CCDC171: variants seen among roughly 807,000 people sequenced by gnomAD.
CCDC171 encodes the protein coiled-coil domain containing 171.
A neutral mutation model predicts 168.2 loss-of-function variants in CCDC171; 177 were observed. The ratio of observed to expected loss-of-function variants is 1.05; its 90% CI spans 0.93 to 1.19. The LOEUF (loss-of-function observed/expected upper bound fraction) is 1.19, where lower values mean the gene tolerates loss of function less well. CCDC171 is among the 50% of genes most tolerant of loss of function. The pLI is 0.00. For synonymous variants in CCDC171, 687 were observed against 540.8 expected (o/e 1.27, Z -3.75); for missense variants, 1,991 against 1,539.0 (o/e 1.29, Z -4.91).
At position 15,970,045 on chromosome 9, in the gene CCDC171, C is replaced by G. The variant is rs74973863; in HGVS notation, c.3754-1564C>G. ...AACCTTATCCTTCATAGAGCTATTT[C>G]AAGTGACCATTTTAGGTGTTTTCTA... is the stretch of plus-strand genomic sequence containing the variant. On this transcript the variant is annotated intron_variant, in intron 25 of 25. Coordinates refer to ENST00000380701, the MANE Select transcript of CCDC171 (RefSeq NM_173550.4). Among the ~76,000 whole-genome samples, 256 of 152,282 alleles carry G rather than the reference C, an allele frequency of 1.7e-3. 2 individuals are homozygous for G. Among genetic ancestry groups the G allele is most frequent in the African/African-American group, 5.7e-3 (238 of 41,556 alleles).
At chr9:15,975,874 T>A (rs1373016513), downstream of CCDC171, among the ~76,000 whole-genome samples, 5 of 152,158 alleles carry the variant, frequency 3.3e-5, no homozygotes, top group African/African-American at 1.2e-4. Flanking sequence ...GTGATTAAGT[T>A]AAGGATCTTG....
chr9:15,997,990 C>G (rs1832423134), intron 3 of CCDC171, among the ~76,000 whole-genome samples: 1 of 152,200 alleles, frequency 6.6e-6, no homozygotes, highest in African/African-American at 2.4e-5. Flanking sequence ...ATTCAAAGTG[C>G]TCCCATGGTA....
At chr9:15,976,350 G>T (rs963966573), downstream of CCDC171, among the ~76,000 whole-genome samples, 3 of 151,550 alleles carry the variant, frequency 2.0e-5, no homozygotes, top group African/African-American at 7.3e-5. Flanking sequence ...AATTCTTTTC[G>T]GTTTCCATTT....
intron 25 of CCDC171, among the ~76,000 whole-genome samples, chr9:15,934,752 C>T (rs1332975524): frequency 1.3e-5 from 2 of 151,960 alleles, no homozygotes; most frequent in African/African-American, 4.8e-5. Flanking sequence ...TACAAACAAC[C>T]CAAAGTCCAT....
chr9:15,781,966 A>G (rs2057690606), intron 20 of CCDC171, among the ~76,000 whole-genome samples: 1 of 152,130 alleles, frequency 6.6e-6, no homozygotes, highest in Non-Finnish European at 1.5e-5. Context: ...ACAGACTTTG[A>G]ACTTGGTTCC....
exon 2 of CCDC171, chr9:16,060,694 C>A (rs974340325): frequency 1.3e-5 from 2 of 152,118 alleles, no homozygotes; most frequent in African/African-American, 2.4e-5. Context: ...ACTAACCATG[C>A]CAACAGAAGG....
intron 1 of CCDC171, among the ~76,000 whole-genome samples, chr9:16,051,290 C>T (rs1833745529): frequency 6.6e-6 from 1 of 152,188 alleles, no homozygotes. Flanking sequence ...GTCCCTCTGA[C>T]CTCAGTTTCC....
intron 24 of CCDC171, among the ~76,000 whole-genome samples, chr9:15,904,030 A>G (rs1384982327): frequency 6.6e-6 from 1 of 152,210 alleles, no homozygotes; most frequent in African/African-American, 2.4e-5. Context: ...ACTATGTGAA[A>G]AGACCAAATC....
chr9:15,858,294 C>T (rs746783976), intron 23 of CCDC171, among the ~76,000 whole-genome samples: 6 of 152,064 alleles, frequency 3.9e-5, no homozygotes, highest in Non-Finnish European at 5.9e-5. Context: ...GCTGGGATTA[C>T]AGGCATGAGC....
At chr9:15,597,077 C>A (rs1300933430) in intron 6 of CCDC171, among the ~76,000 whole-genome samples, 1 of 152,148 alleles carries the variant, frequency 6.6e-6, no homozygotes, top group East Asian at 1.9e-4. Flanking sequence ...GTTATACAAT[C>A]ATGTCATCTG....
In CCDC171 at chr9:15,794,203, G is replaced by A. The variant is rs140796156; in HGVS notation, c.3267+9509G>A. ...TCATGGACCGGGCATAGTGGCTCAC[G>A]TCTGTAATCCCAGCAGTTTTGGAGG... On this transcript the variant is annotated intron_variant, in intron 21 of 25. Transcript: ENST00000380701. Among the ~76,000 whole-genome samples the A allele has an allele frequency of 1.4e-4, 21 of 152,214 alleles. No individual in the cohort carries two copies. The South Asian group carries it at 2.3e-3, about 17-fold the overall frequency.
chr9:15,869,656 T>C (rs1486821993), intron 23 of CCDC171, among the ~76,000 whole-genome samples: 1 of 151,798 alleles, frequency 6.6e-6, no homozygotes, highest in African/African-American at 2.4e-5. Context: ...TTTCTGTTAA[T>C]TAGGTACTAG....
At chr9:15,931,370 A>T (rs1483661061) in intron 25 of CCDC171, among the ~76,000 whole-genome samples, 2 of 148,444 alleles carry the variant, frequency 1.3e-5, no homozygotes, top group Non-Finnish European at 3.0e-5. Flanking sequence ...TATGCCTGTT[A>T]TCTACTTGTA....
At chr9:15,958,992 C>T (rs1725261073) in intron 25 of CCDC171, among the ~76,000 whole-genome samples, 1 of 152,112 alleles carries the variant, frequency 6.6e-6, no homozygotes, top group Non-Finnish European at 1.5e-5. Flanking sequence ...TGTCTCTCTC[C>T]ACTGCCTCAG....
In CCDC171 at chr9:15,724,965, A is replaced by G; in HGVS notation, c.1681A>G (p.Lys561Glu). 1.9e-6 allele frequency: 3 copies of G among 1,613,502 alleles called. No homozygotes were observed. Among genetic ancestry groups the G allele is most frequent in the Non-Finnish European group, 2.5e-6 (3 of 1,179,500 alleles). Reference protein sequence around the residue: ...ELQKLSQAFHKDAEEKLTFLH... With the variant: ...ELQKLSQAFHEDAEEKLTFLH... ...GCAGAAGCTTTCCCAGGCTTTCCAT[A>G]AGGATGCAGAGGTATTACCTGAGAC... Residue 561 changes from lysine (K) to glutamate (E), a missense_variant, in exon 14 of 26, where the codon AAG (lysine) becomes GAG (glutamate). Coordinates refer to ENST00000380701, the MANE Select transcript of CCDC171 (RefSeq NM_173550.4).
At chr9:16,035,760 T>C (rs1298955931) in intron 7 of CCDC171, among the ~76,000 whole-genome samples, 2 of 152,214 alleles carry the variant, frequency 1.3e-5, no homozygotes, top group Admixed American at 6.5e-5. Flanking sequence ...GAAGAGGGGA[T>C]TGATATTTGT....
chr9:15,957,615 A>G (rs1284569643), intron 25 of CCDC171, among the ~76,000 whole-genome samples: 1 of 152,200 alleles, frequency 6.6e-6, no homozygotes, highest in East Asian at 1.9e-4. Context: ...CATTCAACTC[A>G]AAGGAAACTT....
intron 6 of CCDC171, among the ~76,000 whole-genome samples, chr9:15,603,612 A>G (rs564252916): frequency 6.6e-6 from 1 of 152,270 alleles, no homozygotes; most frequent in Non-Finnish European, 1.5e-5. Flanking sequence ...ATAGTATTCT[A>G]TGGTGTATAT....
In CCDC171 at chr9:15,906,700, G is replaced by T. The variant is rs982863524; in HGVS notation, c.3601-13570G>T. The stretch of plus-strand genomic sequence containing the variant: ...CAATCAGGCAGGAGAAGGAAATAAA[G>T]GGTATTCAATGAGGAAAAGAGGAAG... On this transcript the variant is annotated intron_variant, in intron 24 of 25. Transcript: ENST00000380701. 3.3e-5 allele frequency among the ~76,000 whole-genome samples: 5 copies of T among 152,042 alleles called. No individual in the cohort carries two copies. In the South Asian group the frequency reaches 1.0e-3, roughly 31 times the overall value.
Sources: allele counts gnomAD v4.1 joint callset (sites outside exome capture counted in the v4.1 genomes callset), GRCh38; gene constraint gnomAD v4.1.1; transcripts MANE v1.5; gene names NCBI Gene and HGNC (gene_info 2026-07-23, HGNC 2026-07-21).